The following OSBPL1A variants were observed in gnomAD, a reference collection of about 807,000 sequenced individuals.
OSBPL1A encodes oxysterol-binding protein-related protein 1.
Under a neutral mutation model 137.1 loss-of-function variants are expected in OSBPL1A, and 80 were observed. That is an observed-to-expected ratio of 0.58 (90% CI 0.49 to 0.70). The LOEUF is 0.70. OSBPL1A is among the 30% of genes least tolerant of loss of function. The probability of loss-of-function intolerance (pLI) is 0.00; values close to 1 mark genes in which losing one functional copy is unlikely to be tolerated. For synonymous variants in OSBPL1A, 365 were observed against 389.7 expected, an observed-to-expected ratio of 0.94 and a Z score of 0.75; for missense variants, 970 against 1,129.4, an observed-to-expected ratio of 0.86 and a Z score of 2.02.
At chr18:24,236,649 T>C (rs1334268159) in intron 16 of OSBPL1A, among the ~76,000 whole-genome samples, 1 of 152,212 alleles carries the variant, frequency 6.6e-6, no homozygotes, top group Non-Finnish European at 1.5e-5. Flanking sequence ...GAGAATATGC[T>C]TGGCACCTGA....
intron 21 of OSBPL1A, among the ~76,000 whole-genome samples, chr18:24,174,028 T>C (rs1175873820): frequency 2.6e-5 from 4 of 152,246 alleles, no homozygotes; most frequent in African/African-American, 9.6e-5. Flanking sequence ...TCAATTTGTA[T>C]AATGCACCTG....
In OSBPL1A at chr18:24,166,614, C is replaced by T; in HGVS notation, c.2624G>A (p.Arg875Gln). Residue 875 changes from arginine (R) to glutamine (Q), a missense_variant, in exon 26 of 28, where the codon CGG becomes CAG. Arg to Gln is a conservative substitution (Grantham distance 43). Transcript: ENST00000319481. The stretch of plus-strand genomic sequence containing the variant: ...ATTTTCCATGGCTCTGATGTCAGGC[C>T]GTAACCTGCAGTCTGTCTTGGGAAT... ...SVIPKTDCRL[R>Q]PDIRAMENGE... The T allele has an allele frequency of 3.7e-6, 6 of 1,612,942 alleles. No individual in the cohort carries two copies. Among genetic ancestry groups the T allele is most frequent in the Non-Finnish European group, 5.1e-6 (6 of 1,179,648 alleles).
chr18:24,184,214 T>A (rs28736795), intron 18 of OSBPL1A, among the ~76,000 whole-genome samples: 10,322 of 150,552 alleles, frequency 0.069, 1,105 homozygotes, highest in African/African-American at 0.23. Flanking sequence ...TTAATTAATT[T>A]ATTTTTTTAG....
chr18:24,350,574 G>A (rs901460488), intron 4 of OSBPL1A, among the ~76,000 whole-genome samples: 1 of 152,004 alleles, frequency 6.6e-6, no homozygotes, highest in Non-Finnish European at 1.5e-5. Context: ...TTACAGACAT[G>A]AGCCACTGAG....
At chr18:24,362,909 C>A (rs913417963) in intron 4 of OSBPL1A, among the ~76,000 whole-genome samples, 2 of 152,196 alleles carry the variant, frequency 1.3e-5, no homozygotes, top group African/African-American at 4.8e-5. Context: ...AGGAAGAACA[C>A]TGGGAGTCTT....
chr18:24,334,729 T>G (rs1310186168), intron 5 of OSBPL1A, among the ~76,000 whole-genome samples: 1 of 152,184 alleles, frequency 6.6e-6, no homozygotes, highest in Non-Finnish European at 1.5e-5. Context: ...TATAAATATA[T>G]GCAGACATAC....
At chr18:24,172,532 G>A (rs1459505386) in intron 21 of OSBPL1A, 49 bp from the exon 22 acceptor site, 2 of 1,303,068 alleles carry the variant, frequency 1.5e-6, no homozygotes, top group South Asian at 1.2e-5. Context: ...GTATCACTTT[G>A]TTTAAAAAGT....
At chr18:24,360,531 T>C (rs2091605814) in intron 4 of OSBPL1A, among the ~76,000 whole-genome samples, 1 of 152,180 alleles carries the variant, frequency 6.6e-6, no homozygotes, top group Non-Finnish European at 1.5e-5. Flanking sequence ...GTTTCCTACA[T>C]AACACAATCA....
Position 24,162,975 on chromosome 18 carries a change from A to G in OSBPL1A, c.*204T>C, listed in dbSNP as rs1567909532. Reference sequence around the variant, plus strand: ...ATAGTATTCCAAATAAGTACATTTTATAGCAAAATTATGCATTTTTCCTAA... The same window carrying G: ...ATAGTATTCCAAATAAGTACATTTTGTAGCAAAATTATGCATTTTTCCTAA... On this transcript the variant is annotated 3_prime_UTR_variant, in exon 28 of 28. Transcript: ENST00000319481. 6 of 436,536 alleles carry G rather than the reference A, an allele frequency of 1.4e-5. No homozygotes were observed. Among genetic ancestry groups the G allele is most frequent in the Non-Finnish European group, 2.5e-5 (6 of 242,900 alleles). The allele number at this position is 436,536 out of a possible 1,614,324, so 27.0% of individuals were successfully genotyped here.
intron 11 of OSBPL1A, among the ~76,000 whole-genome samples, chr18:24,315,725 ATATAT>A (rs1409799130): frequency 2.3e-4 from 28 of 123,342 alleles, no homozygotes; most frequent in African/African-American, 7.6e-4. Flanking sequence ...AATATATGTA[ATATAT>A]TATATAATAA....
intron 4 of OSBPL1A, among the ~76,000 whole-genome samples, chr18:24,356,138 T>G (rs2091531069): frequency 6.6e-6 from 1 of 151,750 alleles, no homozygotes; most frequent in Non-Finnish European, 1.5e-5. Flanking sequence ...ATCGCGCCAC[T>G]GCATTCCAGC....
chr18:24,337,811 G>A (rs1283255791), intron 5 of OSBPL1A, among the ~76,000 whole-genome samples: 3 of 151,034 alleles, frequency 2.0e-5, no homozygotes, highest in South Asian at 2.1e-4. Flanking sequence ...TCCTGAAATC[G>A]AGCACTATAT....
At chr18:24,261,737 T>C (rs2089449469) in intron 15 of OSBPL1A, among the ~76,000 whole-genome samples, 1 of 152,012 alleles carries the variant, frequency 6.6e-6, no homozygotes, top group East Asian at 1.9e-4. Flanking sequence ...GAAGGCTAAC[T>C]TGGGACGATC....
At chr18:24,290,636 T>C (rs1201369347) in intron 14 of OSBPL1A, among the ~76,000 whole-genome samples, 1 of 152,138 alleles carries the variant, frequency 6.6e-6, no homozygotes, top group Admixed American at 6.5e-5. Flanking sequence ...TGAGCTGAGA[T>C]GGTGCCACTG....
At chr18:24,304,273 T>C (rs1258915243) in intron 13 of OSBPL1A, among the ~76,000 whole-genome samples, 2 of 152,138 alleles carry the variant, frequency 1.3e-5, no homozygotes, top group Non-Finnish European at 2.9e-5. Context: ...TAAAGTCAAT[T>C]ATAGAAAGCA....
chr18:24,295,592 G>T (rs1329918255), intron 14 of OSBPL1A, among the ~76,000 whole-genome samples: 1 of 152,186 alleles, frequency 6.6e-6, no homozygotes, highest in Non-Finnish European at 1.5e-5. Flanking sequence ...ATAAGGCAGA[G>T]ATGGGGATCC....
Position 24,336,920 on chromosome 18 carries a change from G to A in OSBPL1A, c.395-2590C>T, listed in dbSNP as rs553516813. ...CTGAGTAGAAGTTTAGTGGTAAATG[G>A]GGTATTTACTTTGTCTCAGTTTTTC... On this transcript the variant is annotated intron_variant, in intron 5 of 27. Transcript: ENST00000319481. Among the ~76,000 whole-genome samples the A allele has an allele frequency of 1.2e-4, 18 of 152,224 alleles. No individual in the cohort carries two copies. The South Asian group carries it at 3.7e-3, about 32-fold the overall frequency.
At position 24,242,666 on chromosome 18, in the gene OSBPL1A, C is replaced by A. The variant is rs2088741145; in HGVS notation, c.1282-3284G>T. Among the ~76,000 whole-genome samples, 3 of 152,158 alleles carry A rather than the reference C, an allele frequency of 2.0e-5. No homozygotes were observed. In the South Asian group the frequency reaches 6.2e-4, roughly 32 times the overall value. On this transcript the variant is annotated intron_variant, in intron 15 of 27. Transcript: ENST00000319481. Reference sequence around the variant, plus strand: ...AGTTTATAGCAGAAACAAGGTTAAACCCAAGTTCCAGTCCTCAGGCACTTT... The same window carrying A: ...AGTTTATAGCAGAAACAAGGTTAAAACCAAGTTCCAGTCCTCAGGCACTTT...
At chr18:24,201,613 A>C (rs2087222601) in intron 17 of OSBPL1A, among the ~76,000 whole-genome samples, 1 of 152,028 alleles carries the variant, frequency 6.6e-6, no homozygotes, top group Non-Finnish European at 1.5e-5. Context: ...AAATACAAAA[A>C]TTAGCTGAGC....
Sources: gnomAD v4.1 joint callset for allele counts (sites outside exome capture counted in the v4.1 genomes callset) on GRCh38, gnomAD v4.1.1 for gene constraint, MANE v1.5 for transcripts, NCBI Gene and HGNC (gene_info 2026-07-23, HGNC 2026-07-21) for gene names.